The following BMP2K variants were observed in gnomAD, a reference collection of about 807,000 sequenced individuals.
The protein encoded by BMP2K is BMP-2-inducible protein kinase.
BMP2K carries 74 observed loss-of-function variants against 116.0 expected under a neutral mutation model. The observed-to-expected ratio is 0.64, with a 90% CI of 0.53 to 0.77. BMP2K has a LOEUF of 0.77. BMP2K is among the 30% of genes least tolerant of loss of function. The pLI is 0.00. For synonymous variants in BMP2K, 486 were observed against 502.5 expected (o/e 0.97, Z 0.44); for missense variants, 1,365 against 1,403.6 (o/e 0.97, Z 0.44).
intron 4 of BMP2K, among the ~76,000 whole-genome samples, chr4:78,843,832 T>G (rs1345956776): frequency 6.6e-6 from 1 of 151,966 alleles, no homozygotes; most frequent in African/African-American, 2.4e-5. Context: ...TATCTTCAGC[T>G]GACTCTTCTT....
chr4:78,822,401 T>C (rs1463085236), intron 1 of BMP2K, among the ~76,000 whole-genome samples: 1 of 152,130 alleles, frequency 6.6e-6, no homozygotes, highest in Non-Finnish European at 1.5e-5. Context: ...TGCCTATGAA[T>C]GAAACTTCTA....
chr4:78,783,213 A>T (rs974488587), intron 1 of BMP2K, among the ~76,000 whole-genome samples: 5 of 152,224 alleles, frequency 3.3e-5, no homozygotes, highest in Admixed American at 2.6e-4. Flanking sequence ...TTCAAGTTTC[A>T]ATCAGCTATA....
At chr4:78,894,788 C>G (rs1387423486) in intron 15 of BMP2K, among the ~76,000 whole-genome samples, 1 of 152,212 alleles carries the variant, frequency 6.6e-6, no homozygotes, top group Non-Finnish European at 1.5e-5. Flanking sequence ...GTGCTTTCCT[C>G]TCTAAGCTTA....
chr4:78,827,514 C>T (rs1407110007), intron 2 of BMP2K, among the ~76,000 whole-genome samples: 2 of 152,124 alleles, frequency 1.3e-5, no homozygotes, highest in African/African-American at 2.4e-5. Flanking sequence ...CTTTATTCAT[C>T]CTATGTCTGC....
At chr4:78,834,316 C>CAGTG (rs938298421) in intron 3 of BMP2K, among the ~76,000 whole-genome samples, 1 of 149,706 alleles carries the variant, frequency 6.7e-6, no homozygotes, top group Non-Finnish European at 1.5e-5. Flanking sequence ...GGCTAGAGTG[C>CAGTG]AGTGGTGCGA....
chr4:78,889,147 G>C (rs1733277189), intron 15 of BMP2K, among the ~76,000 whole-genome samples: 1 of 151,472 alleles, frequency 6.6e-6, no homozygotes, highest in South Asian at 2.1e-4. Flanking sequence ...CGTGAACCCG[G>C]GAGGCGGAGT....
At chr4:78,844,538 A>G (rs1730907002) in intron 4 of BMP2K, among the ~76,000 whole-genome samples, 2 of 151,680 alleles carry the variant, frequency 1.3e-5, no homozygotes, top group South Asian at 4.1e-4. Flanking sequence ...GAGAAGCTGG[A>G]CTCTGCCAGG....
chr4:78,865,786 T>C, intron 10 of BMP2K, 66 bp downstream of exon 10: 1 of 1,504,760 alleles, frequency 6.6e-7, no homozygotes, highest in Non-Finnish European at 9.1e-7. Context: ...ATGATTTGAT[T>C]TCCTGACCTC....
intron 1 of BMP2K, among the ~76,000 whole-genome samples, chr4:78,818,895 C>T (rs1729485742): frequency 6.6e-6 from 1 of 150,478 alleles, no homozygotes. Flanking sequence ...CTCCTAGGAT[C>T]AAGCGATTCT....
chr4:78,802,534 C>T (rs1423739751), intron 1 of BMP2K, among the ~76,000 whole-genome samples: 4 of 152,178 alleles, frequency 2.6e-5, no homozygotes, highest in Non-Finnish European at 4.4e-5. Flanking sequence ...TGAAGTTATA[C>T]ATACAGTCTC....
chr4:78,840,459 T>C (rs1730705758), intron 3 of BMP2K, among the ~76,000 whole-genome samples: 1 of 152,106 alleles, frequency 6.6e-6, no homozygotes, highest in Non-Finnish European at 1.5e-5. Context: ...TGGCTGTTTC[T>C]TTACCTCCTG....
intron 1 of BMP2K, among the ~76,000 whole-genome samples, chr4:78,810,828 T>TA (rs398072204): frequency 6.6e-6 from 1 of 152,000 alleles, no homozygotes; most frequent in East Asian, 1.9e-4. Flanking sequence ...AATAAAAACA[T>TA]TGTTACAAGG....
intron 2 of BMP2K, 146 bp downstream of exon 2, chr4:78,826,301 A>G: frequency 1.7e-6 from 1 of 606,056 alleles, no homozygotes; most frequent in South Asian, 2.0e-5. Context: ...TCCCAGGTTC[A>G]AGCAATTCTC....
intron 1 of BMP2K, among the ~76,000 whole-genome samples, chr4:78,787,432 T>C (rs1727781278): frequency 6.6e-6 from 1 of 152,224 alleles, no homozygotes; most frequent in Admixed American, 6.5e-5. Context: ...GTATTTGATG[T>C]GACTCTCAAA....
At chr4:78,887,389 A>G (rs1243171463) in intron 15 of BMP2K, 105 bp downstream of exon 15, 3 of 803,252 alleles carry the variant, frequency 3.7e-6, no homozygotes, top group Non-Finnish European at 6.1e-6. Context: ...TTAGCTACAG[A>G]AAGTAGAAAA....
rs1244644035 is a variant in BMP2K, at chr4:78,912,557, C to T, written c.*524C>T. 6.6e-6 allele frequency: 1 copy of T among 152,346 alleles called. No individual in the cohort carries two copies. The highest frequency in any genetic ancestry group is 1.9e-4 in the East Asian group (1 of 5,200). The allele number at this position is 152,346 out of a possible 1,614,324, so 9.4% of individuals were successfully genotyped here. On this transcript the variant is annotated 3_prime_UTR_variant, in exon 16 of 16. Coordinates refer to ENST00000502613, the MANE Select transcript of BMP2K (RefSeq NM_198892.2). The stretch of plus-strand genomic sequence containing the variant: ...GAGTGCAGAGATTTCAGTCCATACA[C>T]CTTTCTCCACAAAGCAGAGCCAGAA...
chr4:78,835,522 G>A (rs1349514481), intron 3 of BMP2K, among the ~76,000 whole-genome samples: 3 of 151,372 alleles, frequency 2.0e-5, no homozygotes, highest in South Asian at 2.1e-4. Flanking sequence ...CCAGCTCCTC[G>A]GGAGGCTGAG....
intron 3 of BMP2K, among the ~76,000 whole-genome samples, chr4:78,839,252 C>G (rs570450377): frequency 1.9e-3 from 291 of 152,220 alleles, no homozygotes; most frequent in African/African-American, 6.6e-3. Flanking sequence ...TTCACGTGTC[C>G]GTCATCCTCT....
chr4:78,870,007 A>G (rs747310994), intron 10 of BMP2K, among the ~76,000 whole-genome samples: 6 of 152,146 alleles, frequency 3.9e-5, no homozygotes, highest in Non-Finnish European at 8.8e-5. Flanking sequence ...GAACAGTTGC[A>G]TTTGAATGTA....
Sources: gnomAD v4.1 joint callset for allele counts (sites outside exome capture counted in the v4.1 genomes callset) on GRCh38, gnomAD v4.1.1 for gene constraint, MANE v1.5 for transcripts, NCBI Gene and HGNC (gene_info 2026-07-23, HGNC 2026-07-21) for gene names.